The following FOXO3 variants were observed in gnomAD, a reference collection of about 807,000 sequenced individuals.
FOXO3 encodes forkhead box protein O3.
A neutral mutation model predicts 41.9 loss-of-function variants in FOXO3; 4 were observed. That is an observed-to-expected ratio of 0.10 (90% confidence interval 0.05 to 0.22). The LOEUF is 0.22. Among genes scored for constraint, FOXO3 ranks in the 10% least tolerant of loss-of-function variants. The probability of loss-of-function intolerance (pLI) is 1.00; values close to 1 mark genes in which losing one functional copy is unlikely to be tolerated. For synonymous variants in FOXO3, 318 were observed against 389.3 expected, an observed-to-expected ratio of 0.82 and a Z score of 2.16; for missense variants, 534 against 906.8, an observed-to-expected ratio of 0.59 and a Z score of 5.28.
At chr6:108,609,267 G>A (rs1777292901) in intron 1 of FOXO3, among the ~76,000 whole-genome samples, 1 of 152,116 alleles carries the variant, frequency 6.6e-6, no homozygotes, top group Non-Finnish European at 1.5e-5. Flanking sequence ...ACTTCCAAAA[G>A]GTTTTATTTC....
rs1265091821 is a variant in FOXO3, at chr6:108,681,588, C to T, written c.*1796C>T. 3.3e-5 allele frequency: 5 copies of T among 151,430 alleles called. No individual in the cohort carries two copies. Among genetic ancestry groups the T allele is most frequent in the Non-Finnish European group, 2.9e-5 (2 of 67,856 alleles). 9.4% of individuals were successfully genotyped at this position (151,430 alleles called of 1,614,324 possible). On this transcript the variant is annotated 3_prime_UTR_variant, in exon 3 of 3. Transcript: ENST00000406360. ...GAGAGTTCCATTTGGTATTGTCACA[C>T]GTCTCCTGCCTCGCTTGGGTTGCCA...
chr6:108,618,313 C>T (rs776693330), intron 1 of FOXO3: 21 of 659,142 alleles, frequency 3.2e-5, no homozygotes, highest in Admixed American at 1.2e-4. Context: ...CCTCAGCTGC[C>T]GCTTCACAAA....
chr6:108,650,187 C>T (rs565540288), intron 1 of FOXO3, among the ~76,000 whole-genome samples: 1 of 152,270 alleles, frequency 6.6e-6, no homozygotes, highest in East Asian at 1.9e-4. Flanking sequence ...CCTGCATCCT[C>T]AGGAATGCCC....
intron 1 of FOXO3, among the ~76,000 whole-genome samples, chr6:108,572,284 C>T (rs556616359): frequency 1.3e-5 from 2 of 152,240 alleles, no homozygotes; most frequent in East Asian, 3.9e-4. Context: ...CTCCTTTTGG[C>T]CCTGTCAGGG....
intron 1 of FOXO3, among the ~76,000 whole-genome samples, chr6:108,608,956 T>C (rs1026865215): frequency 3.9e-5 from 6 of 152,196 alleles, no homozygotes; most frequent in African/African-American, 1.4e-4. Context: ...AGAACTTGTT[T>C]CCTTTTGTTA....
intron 1 of FOXO3, among the ~76,000 whole-genome samples, chr6:108,597,221 A>G (rs936310001): frequency 1.3e-5 from 2 of 152,218 alleles, no homozygotes; most frequent in Admixed American, 6.5e-5. Flanking sequence ...CCATGGCTAG[A>G]TGAGAAAGAG....
chr6:108,626,563 A>G (rs1414390412), intron 1 of FOXO3, among the ~76,000 whole-genome samples: 2 of 152,160 alleles, frequency 1.3e-5, no homozygotes, highest in African/African-American at 4.8e-5. Context: ...AGAATGGTAC[A>G]GAGTGCTCTG....
intron 1 of FOXO3, among the ~76,000 whole-genome samples, chr6:108,655,559 T>G (rs1158576530): frequency 6.6e-6 from 1 of 152,196 alleles, no homozygotes; most frequent in Non-Finnish European, 1.5e-5. Context: ...TATCCAGGCC[T>G]TACCCCATCT....
rs1255515452 is a variant in FOXO3, at chr6:108,674,888, T to A, written c.*35-4939T>A. 2.6e-5 allele frequency among the ~76,000 whole-genome samples: 4 copies of A among 152,166 alleles called. No homozygotes were observed. In the East Asian group the frequency reaches 5.8e-4, roughly 22 times the overall value. ...AGGCTTTTTGCCTAAAAACTGGGCC[T>A]TTAAAAAGAACATAATCTAAAAGTG... is the stretch of plus-strand genomic sequence containing the variant. On this transcript the variant is annotated intron_variant, in intron 2 of 2. Coordinates refer to ENST00000406360, the MANE Select transcript of FOXO3 (RefSeq NM_001455.4).
chr6:108,649,389 G>A (rs1003922875), intron 1 of FOXO3, among the ~76,000 whole-genome samples: 3 of 152,094 alleles, frequency 2.0e-5, no homozygotes, highest in Admixed American at 6.6e-5. Flanking sequence ...ACAAAGACCC[G>A]TCAGTACTTT....
intron 1 of FOXO3, among the ~76,000 whole-genome samples, chr6:108,572,048 T>G (rs1406037685): frequency 6.6e-6 from 1 of 152,192 alleles, no homozygotes; most frequent in Non-Finnish European, 1.5e-5. Context: ...TTTTGCATTT[T>G]GAATAAGGTG....
At chr6:108,635,945 G>C (rs1778108841) in intron 1 of FOXO3, among the ~76,000 whole-genome samples, 1 of 152,188 alleles carries the variant, frequency 6.6e-6, no homozygotes, top group African/African-American at 2.4e-5. Context: ...TCCTTGATAA[G>C]ACTTCTCAGA....
At chr6:108,667,546 G>T (rs1779099044) in intron 2 of FOXO3, among the ~76,000 whole-genome samples, 1 of 152,140 alleles carries the variant, frequency 6.6e-6, no homozygotes, top group African/African-American at 2.4e-5. Flanking sequence ...TTTCCCTTTT[G>T]GTTGAACAGC....
intron 1 of FOXO3, among the ~76,000 whole-genome samples, chr6:108,654,581 T>C (rs1471198485): frequency 6.6e-6 from 1 of 152,050 alleles, no homozygotes. Flanking sequence ...CCAGAACCTG[T>C]CGCTTGCTTG....
At chr6:108,643,326 G>A (rs1266123226) in intron 1 of FOXO3, among the ~76,000 whole-genome samples, 1 of 152,194 alleles carries the variant, frequency 6.6e-6, no homozygotes, top group African/African-American at 2.4e-5. Context: ...GGAGGCAGAA[G>A]GGACAGGAAA....
chr6:108,647,163 A>C (rs901900680), intron 1 of FOXO3, among the ~76,000 whole-genome samples: 19 of 152,278 alleles, frequency 1.2e-4, no homozygotes, highest in African/African-American at 4.6e-4. Context: ...AAACCTGTTT[A>C]CTATAGTAAG....
intron 1 of FOXO3, among the ~76,000 whole-genome samples, chr6:108,607,060 A>G (rs532668813): frequency 1.3e-5 from 2 of 152,324 alleles, no homozygotes; most frequent in Admixed American, 6.5e-5. Context: ...GAACTCATAG[A>G]CTTTTTAATT....
intron 1 of FOXO3, among the ~76,000 whole-genome samples, chr6:108,613,483 C>A (rs1429417359): frequency 6.6e-6 from 1 of 151,998 alleles, no homozygotes; most frequent in African/African-American, 2.4e-5. Flanking sequence ...AAGGAATTTG[C>A]CCATTTTATT....
intron 1 of FOXO3, among the ~76,000 whole-genome samples, chr6:108,585,197 G>A (rs140553878): frequency 0.025 from 3,725 of 151,804 alleles, 39 homozygotes; most frequent in Non-Finnish European, 0.035. Flanking sequence ...GCCCGCCACC[G>A]CGCCCGGCTA....
Sources: gnomAD v4.1 joint callset for allele counts (sites outside exome capture counted in the v4.1 genomes callset) on GRCh38, gnomAD v4.1.1 for gene constraint, MANE v1.5 for transcripts, NCBI Gene and HGNC (gene_info 2026-07-23, HGNC 2026-07-21) for gene names.